IL1R1: variants seen among roughly 807,000 people sequenced by gnomAD.
The protein encoded by IL1R1 is interleukin-1 receptor type 1.
Under a neutral mutation model 50.2 loss-of-function variants are expected in IL1R1, and 22 were observed. That is an observed-to-expected ratio of 0.44 (90% confidence interval 0.31 to 0.63). The LOEUF is 0.63. Ranked by LOEUF, IL1R1 falls within the 20% of genes least tolerant of loss-of-function variation. The pLI is 0.07. For missense variants in IL1R1, 509 were observed against 676.2 expected (o/e 0.75, Z 2.74); for synonymous variants, 251 against 236.7 (o/e 1.06, Z -0.55).
At chr2:102,126,007 T>C (rs190247232) in intron 1 of IL1R1, among the ~76,000 whole-genome samples, 2 of 152,344 alleles carry the variant, frequency 1.3e-5, no homozygotes, top group Admixed American at 6.5e-5. Flanking sequence ...ATTACCTTTT[T>C]TGAGGGACTG....
intron 1 of IL1R1, among the ~76,000 whole-genome samples, chr2:102,149,291 G>C (rs1263536698): frequency 6.6e-6 from 1 of 152,230 alleles, no homozygotes; most frequent in African/African-American, 2.4e-5. Flanking sequence ...TTACTCCATG[G>C]GAAGGTAGAA....
At chr2:102,117,842 C>A (rs975388228) in intron 1 of IL1R1, among the ~76,000 whole-genome samples, 1 of 151,926 alleles carries the variant, frequency 6.6e-6, no homozygotes, top group Non-Finnish European at 1.5e-5. Context: ...GGAAGAGTAC[C>A]AAAGCTGTGA....
intron 1 of IL1R1, among the ~76,000 whole-genome samples, chr2:102,124,507 T>C (rs1469713764): frequency 6.6e-6 from 1 of 151,452 alleles, no homozygotes; most frequent in Non-Finnish European, 1.5e-5. Context: ...CAATTCCACA[T>C]GGCTGGGGAA....
chr2:102,116,587 A>C (rs957357653), intron 1 of IL1R1, among the ~76,000 whole-genome samples: 3 of 152,238 alleles, frequency 2.0e-5, no homozygotes, highest in African/African-American at 7.2e-5. Context: ...TTAGCCAAAA[A>C]AAAGAGTAAA....
chr2:102,156,998 A>G (rs1488900893), intron 2 of IL1R1, among the ~76,000 whole-genome samples: 1 of 152,220 alleles, frequency 6.6e-6, no homozygotes, highest in Non-Finnish European at 1.5e-5. Context: ...TTTTCAAAGC[A>G]CAGAATTACA....
chr2:102,078,562 TCACACA>T (rs35407722), intron 1 of IL1R1, among the ~76,000 whole-genome samples: 61 of 104,118 alleles, frequency 5.9e-4, no homozygotes, highest in South Asian at 3.9e-3. Context: ...TCAAAAAACT[TCACACA>T]CACACACACA....
intron 1 of IL1R1, among the ~76,000 whole-genome samples, chr2:102,091,716 A>G (rs1005288255): frequency 7.2e-5 from 11 of 152,198 alleles, no homozygotes; most frequent in East Asian, 5.8e-4. Flanking sequence ...CCAATAGAAC[A>G]TATGCTTTCT....
At chr2:102,160,883 G>A (rs532834226) in intron 3 of IL1R1, among the ~76,000 whole-genome samples, 1 of 152,218 alleles carries the variant, frequency 6.6e-6, no homozygotes, top group East Asian at 1.9e-4. Flanking sequence ...CCTTCTGTCC[G>A]AACCACTAAG....
intron 1 of IL1R1, among the ~76,000 whole-genome samples, chr2:102,108,781 A>G (rs1381574767): frequency 2.0e-5 from 3 of 152,090 alleles, no homozygotes; most frequent in African/African-American, 4.8e-5. Context: ...GGATAGGACC[A>G]GGAAAATGGA....
chr2:102,129,549 C>T (rs1041481055), intron 1 of IL1R1, among the ~76,000 whole-genome samples: 2 of 152,160 alleles, frequency 1.3e-5, no homozygotes, highest in African/African-American at 4.8e-5. Flanking sequence ...TTTGTACCCC[C>T]TAAAGGAGCA....
chr2:102,161,993 C>T (rs536373791), intron 3 of IL1R1, among the ~76,000 whole-genome samples: 345 of 152,238 alleles, frequency 2.3e-3, no homozygotes, highest in Non-Finnish European at 4.0e-3. Flanking sequence ...TGAGCCACCA[C>T]GCCTGGCTGA....
rs569406269 is a variant in IL1R1, at chr2:102,126,671, C to T, written c.-84+21799C>T. On this transcript the variant is annotated intron_variant, in intron 1 of 10. Transcript: ENST00000409329. ...GTTGCAAAATGTCTAGTAGCCCCAA[C>T]TTCTGCCTGGTAGATGCACACCCAA... 1.8e-3 allele frequency among the ~76,000 whole-genome samples: 273 copies of T among 151,784 alleles called. 2 individuals carry two copies. Among genetic ancestry groups the T allele is most frequent in the African/African-American group, 6.3e-3 (262 of 41,350 alleles).
chr2:102,134,982 G>C (rs1348666325), intron 1 of IL1R1, among the ~76,000 whole-genome samples: 1 of 152,106 alleles, frequency 6.6e-6, no homozygotes, highest in Non-Finnish European at 1.5e-5. Flanking sequence ...CTGGGATATT[G>C]CTAGGTTATT....
At chr2:102,112,310 A>ATG (rs1680810171) in intron 1 of IL1R1, among the ~76,000 whole-genome samples, 1 of 65,630 alleles carries the variant, frequency 1.5e-5, no homozygotes, top group African/African-American at 7.0e-5. Flanking sequence ...GTGGGGATTA[A>ATG]CGTGTGTGTG....
intron 3 of IL1R1, among the ~76,000 whole-genome samples, chr2:102,162,409 A>C (rs1015667343): frequency 4.6e-5 from 7 of 152,110 alleles, no homozygotes; most frequent in African/African-American, 1.7e-4. Context: ...GTGATTATTC[A>C]TATATTAGGG....
intron 1 of IL1R1, among the ~76,000 whole-genome samples, chr2:102,096,730 A>C (rs1476272599): frequency 1.3e-5 from 2 of 151,960 alleles, no homozygotes; most frequent in Non-Finnish European, 2.9e-5. Flanking sequence ...AAATATATTA[A>C]TCTTTATATA....
At chr2:102,116,425 CA>C (rs1324202156) in intron 1 of IL1R1, among the ~76,000 whole-genome samples, 2 of 152,130 alleles carry the variant, frequency 1.3e-5, no homozygotes, top group African/African-American at 4.8e-5. Context: ...TTTCAAAATA[CA>C]AAGATAAAAT....
chr2:102,104,414 A>C (rs1680289725), upstream of IL1R1: 1 of 152,344 alleles, frequency 6.6e-6, no homozygotes, highest in African/African-American at 2.4e-5. Context: ...ACACAAAGTC[A>C]TGAGAGGAAA....
intron 1 of IL1R1, among the ~76,000 whole-genome samples, chr2:102,143,977 G>A (rs1314333816): frequency 2.0e-5 from 3 of 152,158 alleles, no homozygotes; most frequent in Admixed American, 1.3e-4. Context: ...CAGTCGCTGC[G>A]GTTTGGTGCC....
Sources: gnomAD v4.1 joint callset for allele counts (sites outside exome capture counted in the v4.1 genomes callset) on GRCh38, gnomAD v4.1.1 for gene constraint, MANE v1.5 for transcripts, NCBI Gene and HGNC (gene_info 2026-07-23, HGNC 2026-07-21) for gene names.